TMTC1: variants seen among roughly 807,000 people sequenced by gnomAD.
The protein encoded by TMTC1 is transmembrane O-mannosyltransferase targeting cadherins 1, also known as protein O-mannosyl-transferase TMTC1.
A neutral mutation model predicts 104.8 loss-of-function variants in TMTC1; 73 were observed. That is an observed-to-expected ratio of 0.70 (90% CI 0.58 to 0.85). The LOEUF (loss-of-function observed/expected upper bound fraction) is 0.85, where lower values mean the gene tolerates loss of function less well. Among genes scored for constraint, TMTC1 ranks in the 40% least tolerant of loss-of-function variants. The probability of loss-of-function intolerance (pLI) is 0.00; values close to 1 mark genes in which losing one functional copy is unlikely to be tolerated. For missense variants in TMTC1, 1,035 were observed against 1,096.1 expected (o/e 0.94, Z 0.79); for synonymous variants, 434 against 428.7 (o/e 1.01, Z -0.15).
chr12:29,568,958 C>T (rs1244781890), intron 9 of TMTC1: 1 of 455,980 alleles, frequency 2.2e-6, no homozygotes, highest in Non-Finnish European at 4.4e-6. Flanking sequence ...GAATCTCCAG[C>T]ATAGATAATC....
chr12:29,514,429 C>G (rs1943925614), intron 16 of TMTC1, 53 bp downstream of exon 16: 3 of 1,552,328 alleles, frequency 1.9e-6, no homozygotes, highest in African/African-American at 1.4e-5. Context: ...GATCAAAAGA[C>G]AATTAATTTT....
chr12:29,540,178 C>T (rs904076912), intron 10 of TMTC1, among the ~76,000 whole-genome samples: 5 of 152,088 alleles, frequency 3.3e-5, no homozygotes, highest in African/African-American at 1.2e-4. Context: ...CCTACTGCTG[C>T]CTCTTGCGAG....
chr12:29,690,295 G>A (rs567248723), intron 5 of TMTC1, among the ~76,000 whole-genome samples: 15 of 152,284 alleles, frequency 9.9e-5, no homozygotes, highest in African/African-American at 3.6e-4. Flanking sequence ...TATGAGATGA[G>A]ACGGAAGGAA....
chr12:29,575,070 G>A (rs952737731), intron 8 of TMTC1, among the ~76,000 whole-genome samples: 3 of 152,184 alleles, frequency 2.0e-5, no homozygotes, highest in African/African-American at 7.2e-5. Context: ...TTTATCCTTT[G>A]TAGCTGCTTC....
At chr12:29,582,279 C>T (rs1946003200) in intron 8 of TMTC1, among the ~76,000 whole-genome samples, 1 of 152,162 alleles carries the variant, frequency 6.6e-6, no homozygotes, top group Non-Finnish European at 1.5e-5. Context: ...CCCCTTCTTA[C>T]AGTGCTTGGA....
intron 5 of TMTC1, among the ~76,000 whole-genome samples, chr12:29,731,606 A>G (rs1444818917): frequency 2.0e-5 from 3 of 152,084 alleles, no homozygotes; most frequent in African/African-American, 7.2e-5. Flanking sequence ...GACCTTGGCA[A>G]TGACCATGAG....
intron 5 of TMTC1, among the ~76,000 whole-genome samples, chr12:29,721,147 T>C (rs186215137): frequency 4.6e-5 from 7 of 152,302 alleles, no homozygotes; most frequent in Admixed American, 2.6e-4. Context: ...TTTGGAAATA[T>C]TTTTTAGTAG....
chr12:29,665,555 A>C (rs977593952), intron 5 of TMTC1, among the ~76,000 whole-genome samples: 1 of 152,194 alleles, frequency 6.6e-6, no homozygotes, highest in African/African-American at 2.4e-5. Context: ...CCCACCCATA[A>C]TCTTGAGAAC....
At chr12:29,557,541 C>A (rs2136262560) in intron 9 of TMTC1, among the ~76,000 whole-genome samples, 1 of 152,384 alleles carries the variant, frequency 6.6e-6, no homozygotes, top group African/African-American at 2.4e-5. Flanking sequence ...ACCCCCGCCT[C>A]CCAGGTTCAA....
intron 5 of TMTC1, among the ~76,000 whole-genome samples, chr12:29,699,793 A>C (rs1941533183): frequency 6.6e-6 from 1 of 151,204 alleles, no homozygotes. Flanking sequence ...GCGCACACCA[A>C]CAAGCCCAGC....
chr12:29,660,947 T>C, intron 5 of TMTC1: 4 of 1,012,938 alleles, frequency 3.9e-6, no homozygotes, highest in Non-Finnish European at 5.4e-6. Context: ...TGTTCTCCTT[T>C]CAAGGTGAAG....
At chr12:29,613,843 G>T in intron 6 of TMTC1, 2 of 571,132 alleles carry the variant, frequency 3.5e-6, no homozygotes, top group Non-Finnish European at 4.4e-6. Flanking sequence ...AAAGCAGGAT[G>T]ATCACTTCTT....
At chr12:29,551,877 TATC>T (rs2136243559) in intron 10 of TMTC1, among the ~76,000 whole-genome samples, 1 of 152,220 alleles carries the variant, frequency 6.6e-6, no homozygotes, top group East Asian at 1.9e-4. Flanking sequence ...AGCTGCTTCT[TATC>T]AACCTCTCAC....
At chr12:29,604,966 T>A (rs1946659985) in intron 6 of TMTC1, among the ~76,000 whole-genome samples, 1 of 151,926 alleles carries the variant, frequency 6.6e-6, no homozygotes, top group Admixed American at 6.6e-5. Context: ...TATCTTTATT[T>A]GCAAAGATTT....
intron 5 of TMTC1, among the ~76,000 whole-genome samples, chr12:29,670,559 C>G (rs185623074): frequency 1.3e-5 from 2 of 152,074 alleles, no homozygotes; most frequent in African/African-American, 4.8e-5. Flanking sequence ...CTGTCTTTAC[C>G]GTCCCAGGAG....
At chr12:29,770,775 G>A (rs1192747374) in intron 1 of TMTC1, among the ~76,000 whole-genome samples, 2 of 152,100 alleles carry the variant, frequency 1.3e-5, no homozygotes, top group Non-Finnish European at 2.9e-5. Flanking sequence ...CCAAATTACA[G>A]ACAAGTAAGC....
intron 10 of TMTC1, among the ~76,000 whole-genome samples, chr12:29,547,466 T>G (rs1208311637): frequency 6.6e-6 from 1 of 152,210 alleles, no homozygotes; most frequent in Non-Finnish European, 1.5e-5. Context: ...TACAAACAAC[T>G]GCCAAATCTT....
At chr12:29,627,186 A>G (rs1216552401) in intron 6 of TMTC1, among the ~76,000 whole-genome samples, 1 of 152,244 alleles carries the variant, frequency 6.6e-6, no homozygotes, top group Non-Finnish European at 1.5e-5. Context: ...ACGGAATGAG[A>G]GACAGTATTT....
intron 10 of TMTC1, among the ~76,000 whole-genome samples, chr12:29,550,971 A>G (rs1045937912): frequency 7.4e-6 from 1 of 134,364 alleles, no homozygotes; most frequent in African/African-American, 2.7e-5. Flanking sequence ...AAAAAAAAAA[A>G]GAGCAGGGAG....
Sources: allele counts gnomAD v4.1 joint callset (sites outside exome capture counted in the v4.1 genomes callset), GRCh38; gene constraint gnomAD v4.1.1; transcripts MANE v1.5; gene names NCBI Gene and HGNC (gene_info 2026-07-23, HGNC 2026-07-21).